MIR2052HG: variants seen among roughly 807,000 people sequenced by gnomAD.
The protein encoded by MIR2052HG is MIR2052 host gene.
intron 2 of MIR2052HG, among the ~76,000 whole-genome samples, chr8:74,634,460 A>T (rs992132433): frequency 6.6e-6 from 1 of 152,170 alleles, no homozygotes; most frequent in African/African-American, 2.4e-5. Flanking sequence ...AAGCTGTCAT[A>T]ATTTAGAACT....
chr8:74,642,165 G>GT (rs1221357199), intron 2 of MIR2052HG, among the ~76,000 whole-genome samples: 2 of 152,062 alleles, frequency 1.3e-5, no homozygotes, highest in Non-Finnish European at 2.9e-5. Context: ...TTGCAAATTG[G>GT]TAAGTTGCTG....
intron 4 of MIR2052HG, among the ~76,000 whole-genome samples, chr8:74,733,570 G>T (rs1296430875): frequency 6.9e-6 from 1 of 145,292 alleles, no homozygotes; most frequent in African/African-American, 2.6e-5. Context: ...ATAGCAGCAT[G>T]ATTTATAGTC....
intron 2 of MIR2052HG, among the ~76,000 whole-genome samples, chr8:74,661,261 G>A (rs969585322): frequency 6.8e-6 from 1 of 147,250 alleles, no homozygotes; most frequent in African/African-American, 2.5e-5. Context: ...GTGTGCTTAT[G>A]GTGCGGTCTT....
chr8:74,743,433 G>A (rs1809852461), intron 4 of MIR2052HG, among the ~76,000 whole-genome samples: 1 of 152,110 alleles, frequency 6.6e-6, no homozygotes, highest in Admixed American at 6.6e-5. Context: ...CATTTCACAT[G>A]GGTTTCAGAA....
At chr8:74,725,434 C>T (rs1809623498) in intron 4 of MIR2052HG, among the ~76,000 whole-genome samples, 1 of 152,152 alleles carries the variant, frequency 6.6e-6, no homozygotes, top group Non-Finnish European at 1.5e-5. Flanking sequence ...GGAGATTGGT[C>T]CCATACTCTT....
intron 2 of MIR2052HG, among the ~76,000 whole-genome samples, chr8:74,667,523 A>T (rs1264928410): frequency 2.0e-5 from 3 of 152,020 alleles, no homozygotes; most frequent in Non-Finnish European, 2.9e-5. Flanking sequence ...TTAGAGTTTT[A>T]TTTTACCTAT....
chr8:74,641,137 C>A (rs952752013), intron 2 of MIR2052HG, among the ~76,000 whole-genome samples: 6 of 152,166 alleles, frequency 3.9e-5, no homozygotes, highest in African/African-American at 1.4e-4. Context: ...ATTGCTAGGA[C>A]ATTTACATTC....
chr8:74,626,795 A>G (rs913011819), intron 2 of MIR2052HG, among the ~76,000 whole-genome samples: 1 of 152,208 alleles, frequency 6.6e-6, no homozygotes, highest in Non-Finnish European at 1.5e-5. Flanking sequence ...GTAACTCTGC[A>G]TGCTCCTCCA....
intron 2 of MIR2052HG, chr8:74,633,328 A>T (rs748235485): frequency 2.6e-5 from 4 of 152,122 alleles, no homozygotes; most frequent in Non-Finnish European, 4.4e-5. Context: ...TCCAGCACAC[A>T]TCCCACTCTT....
At chr8:74,743,635 A>G (rs896296760) in intron 4 of MIR2052HG, among the ~76,000 whole-genome samples, 4 of 152,356 alleles carry the variant, frequency 2.6e-5, no homozygotes, top group East Asian at 3.9e-4. Context: ...GTGTTGGAAT[A>G]ACCAAACATT....
At chr8:74,603,322 A>G in intron 1 of MIR2052HG, 1 of 1,607,124 alleles carries the variant, frequency 6.2e-7, no homozygotes, top group Non-Finnish European at 8.5e-7. Context: ...CTCCGAGGAA[A>G]GCCTGACATT....
chr8:74,736,475 GC>G (rs2128755323), intron 4 of MIR2052HG, among the ~76,000 whole-genome samples: 1 of 152,284 alleles, frequency 6.6e-6, no homozygotes, highest in South Asian at 2.1e-4. Context: ...GTAGCAATTT[GC>G]TAAGCAAATT....
intron 4 of MIR2052HG, among the ~76,000 whole-genome samples, chr8:74,737,693 C>T (rs1809782088): frequency 6.6e-6 from 1 of 152,174 alleles, no homozygotes; most frequent in Admixed American, 6.5e-5. Context: ...TTCATGAGCC[C>T]ACAACCTGAC....
chr8:74,722,331 TATTATA>T (rs1809586557), intron 4 of MIR2052HG, among the ~76,000 whole-genome samples: 1 of 152,214 alleles, frequency 6.6e-6, no homozygotes, highest in Non-Finnish European at 1.5e-5. Context: ...AGAAATCACA[TATTATA>T]ATAGGTTCTA....
At position 74,744,512 on chromosome 8, in the gene MIR2052HG, T is replaced by G. The variant is rs1809863248; in HGVS notation, n.372-7929T>G. ...CACAACAGTCCCCAGAGTGTGATGT[T>G]CCCCTTCCTGTGTCCATGTGATCTC... is the stretch of plus-strand genomic sequence containing the variant. On this transcript the variant is annotated intron_variant and non_coding_transcript_variant, in intron 4 of 6. Coordinates refer to ENST00000523442, the Ensembl canonical transcript of MIR2052HG. 2.0e-5 allele frequency among the ~76,000 whole-genome samples: 3 copies of G among 151,972 alleles called. No individual in the cohort carries two copies. In the South Asian group the frequency reaches 6.3e-4, roughly 32 times the overall value.
chr8:74,740,548 C>T (rs1809815130), intron 4 of MIR2052HG, among the ~76,000 whole-genome samples: 1 of 151,966 alleles, frequency 6.6e-6, no homozygotes, highest in South Asian at 2.1e-4. Flanking sequence ...TGGATCCTGC[C>T]CTTGAGTAGC....
intron 4 of MIR2052HG, among the ~76,000 whole-genome samples, chr8:74,751,740 G>A (rs925242679): frequency 4.6e-5 from 7 of 152,208 alleles, no homozygotes; most frequent in African/African-American, 1.4e-4. Flanking sequence ...ACTTGCTTGT[G>A]TGTAAACATT....
chr8:74,718,676 G>C (rs1425448525), intron 4 of MIR2052HG, among the ~76,000 whole-genome samples: 1 of 152,168 alleles, frequency 6.6e-6, no homozygotes, highest in Non-Finnish European at 1.5e-5. Flanking sequence ...CATAGTTCTG[G>C]AGGCTGCAAG....
At chr8:74,669,655 C>T (rs1055189854) in intron 2 of MIR2052HG, among the ~76,000 whole-genome samples, 5 of 152,122 alleles carry the variant, frequency 3.3e-5, no homozygotes, top group Admixed American at 1.3e-4. Flanking sequence ...GCCTTTCTCT[C>T]TGTCTTTTGT....
Sources: gnomAD v4.1 joint callset for allele counts (sites outside exome capture counted in the v4.1 genomes callset) on GRCh38, gnomAD v4.1.1 for gene constraint, MANE v1.5 for transcripts, NCBI Gene and HGNC (gene_info 2026-07-23, HGNC 2026-07-21) for gene names.